Variants in PKLR observed in about 807,000 individuals in gnomAD.
PKLR encodes pyruvate kinase L/R, also known as pyruvate kinase PKLR.
Under a neutral mutation model 53.6 loss-of-function variants are expected in PKLR, and 38 were observed. The ratio of observed to expected loss-of-function variants is 0.71; its 90% CI spans 0.55 to 0.93. The LOEUF (loss-of-function observed/expected upper bound fraction) is 0.93, where lower values mean the gene tolerates loss of function less well. Ranked by LOEUF, PKLR falls within the 40% of genes least tolerant of loss-of-function variation. The probability of loss-of-function intolerance (pLI) is 0.00; values close to 1 mark genes in which losing one functional copy is unlikely to be tolerated. For synonymous variants in PKLR, 328 were observed against 316.2 expected (o/e 1.04, Z -0.39); for missense variants, 702 against 787.3 (o/e 0.89, Z 1.30).
In PKLR at chr1:155,300,163, A is replaced by G. The variant is rs140571200; in HGVS notation, c.218T>C (p.Leu73Pro). 1 of 1,613,926 alleles carries G rather than the reference A, an allele frequency of 6.2e-7. No individual in the cohort carries two copies. The highest frequency in any genetic ancestry group is 8.5e-7 in the Non-Finnish European group (1 of 1,180,016). The change falls in exon 2 of 11, where the codon CTC becomes CCC. Residue 73 changes from leucine to proline, a missense_variant. Transcript: ENST00000342741. ...CTCGGAGTCAATGTCCAGTAGGCAGAGGTGTTCCAGGAAGGTGTCTGCCAT... is the reference window on the plus strand; with the variant it reads ...CTCGGAGTCAATGTCCAGTAGGCAGGGGTGTTCCAGGAAGGTGTCTGCCAT... ...AAMADTFLEHLCLLDIDSEPV... is the reference protein window; with the variant it reads ...AAMADTFLEHPCLLDIDSEPV...
chr1:155,291,236 G>A (rs1674527538), intron 10 of PKLR, among the ~76,000 whole-genome samples: 1 of 151,962 alleles, frequency 6.6e-6, no homozygotes, highest in Non-Finnish European at 1.5e-5. Context: ...GGTGGCTGAC[G>A]CCTGTAATCC....
At position 155,301,320 on chromosome 1, in the gene PKLR, A is replaced by C; in HGVS notation, c.76T>G (p.Ser26Ala). The change falls in exon 1 of 11, where the codon TCC becomes GCC. Residue 26 changes from serine (S) to alanine (A), a missense_variant. This residue lies in a region of PKLR where 519 missense variants were observed against 537.1 expected (regional missense o/e 0.97). Transcript: ENST00000342741. ...CCTCCTGGAGCCCCAATCAGGATGG[A>C]CTTTGCTAAGTCTCTTTGGGACTTA... The part of the protein sequence containing the change: ...VSKSQRDLAK[S>A]ILIGAPGGPA... 1 of 1,613,900 alleles carries C rather than the reference A, an allele frequency of 6.2e-7. No individual in the cohort carries two copies. The highest frequency in any genetic ancestry group is 8.5e-7 in the Non-Finnish European group (1 of 1,179,936).
chr1:155,295,219 C>T lies in PKLR; in HGVS notation c.591G>A (p.Ala197=), dbSNP rs1386352541. 1 of 1,613,954 alleles carries T rather than the reference C, an allele frequency of 6.2e-7. No homozygotes were observed. The highest frequency in any genetic ancestry group is 1.3e-5 in the African/African-American group (1 of 74,936). The part of the protein sequence containing the change: ...VDPAFRTRGN[A]NTVWVDYPNI... The stretch of plus-strand genomic sequence containing the variant: ...TGGGGTAGTCCACCCACACGGTGTT[C>T]GCGTTCCCCCGCGTCCGGAACGCGG... Residue 197 remains alanine, a synonymous_variant, in exon 5 of 11, where the codon GCG becomes GCA. Transcript: ENST00000342741. This position sits in a 1 kb window ranked among gnomAD's most constrained non-coding sequence, Gnocchi z 4.3.
rs1429634816 is a variant in PKLR, at chr1:155,295,048, G to T, written c.694+68C>A. On this transcript the variant is annotated intron_variant, in intron 5 of 10. Transcript: ENST00000342741. This position sits in a 1 kb window ranked among gnomAD's most constrained non-coding sequence, Gnocchi z 4.3. Reference sequence around the variant, plus strand: ...AGGTGTGATCGGTCTGAGGGCTGATGGGGGAGCCAAGGAGAAGGGAATGTG... The same window carrying T: ...AGGTGTGATCGGTCTGAGGGCTGATTGGGGAGCCAAGGAGAAGGGAATGTG... 3 of 1,536,458 alleles carry T rather than the reference G, an allele frequency of 2.0e-6. No individual in the cohort carries two copies. Among genetic ancestry groups the T allele is most frequent in the African/African-American group, 2.7e-5 (2 of 73,104 alleles).
At chr1:155,304,967 G>C (rs2148224296), upstream of PKLR, among the ~76,000 whole-genome samples, 1 of 152,310 alleles carries the variant, frequency 6.6e-6, no homozygotes, top group South Asian at 2.1e-4. Context: ...CTGCTGTGGG[G>C]CCAGGAGGCT....
rs1316380783 is a variant in PKLR at position 155,295,149 on chromosome 1, C to G, written c.661G>C (p.Asp221His). 6.2e-7 allele frequency: 1 copy of G among 1,614,008 alleles called. No individual in the cohort carries two copies. The highest frequency in any genetic ancestry group is 1.3e-5 in the African/African-American group (1 of 74,930). The change falls in exon 5 of 11, where the codon GAC (aspartate) becomes CAC (histidine). Residue 221 changes from aspartate (D) to histidine (H), a missense_variant. This residue lies in a region of PKLR where 519 missense variants were observed against 537.1 expected (regional missense o/e 0.97). Transcript: ENST00000342741. This position sits in a 1 kb window ranked among gnomAD's most constrained non-coding sequence, Gnocchi z 4.3. Reference protein sequence around the residue: ...VPVGGRIYIDDGLISLVVQKI... With the variant: ...VPVGGRIYIDHGLISLVVQKI... ...TGGACCACTAGGGAGATGAGCCCGT[C>G]GTCAATGTAGATGCGGCCCCCCACC...
Position 155,295,658 on chromosome 1 carries a change from C to CCCGCA in PKLR, c.375+2_375+6dup. 6.2e-7 allele frequency: 1 copy of CCCGCA among 1,614,124 alleles called. No individual in the cohort carries two copies. ...CCCCACCCACTGCCCGGCGGCCCGT[C>CCCGCA]CCGCACCTCGTGGGAGCCGTGGGAG... On this transcript the variant is annotated splice_region_variant and intron_variant, in intron 3 of 10. Coordinates refer to ENST00000342741, the MANE Select transcript of PKLR (RefSeq NM_000298.6). The surrounding 1 kb of genome is among the most constrained non-coding windows in gnomAD (Gnocchi z 4.3).
intron 1 of PKLR, chr1:155,301,080 C>G: frequency 6.7e-7 from 1 of 1,498,514 alleles, no homozygotes; most frequent in Non-Finnish European, 9.0e-7. Context: ...TGCCCCGTGG[C>G]TTACATGCTG....
At chr1:155,302,118 C>T (rs1032186342), upstream of PKLR, among the ~76,000 whole-genome samples, 6 of 150,422 alleles carry the variant, frequency 4.0e-5, no homozygotes, top group South Asian at 2.1e-4. Context: ...AGTGCAGTGG[C>T]GCAATCTCAG....
At chr1:155,291,293 T>G (rs1042842008) in intron 10 of PKLR, among the ~76,000 whole-genome samples, 6 of 151,780 alleles carry the variant, frequency 4.0e-5, no homozygotes, top group Non-Finnish European at 7.4e-5. Context: ...GTCAAGACAT[T>G]GAGACCATCC....
chr1:155,308,425 C>T, the PKLR span: 8 of 371,936 alleles, frequency 2.2e-5, no homozygotes, highest in South Asian at 7.7e-4. Context: ...CATGGTATTA[C>T]CACCCTCATT....
upstream of PKLR, among the ~76,000 whole-genome samples, chr1:155,303,140 T>C (rs1481533503): frequency 2.0e-5 from 3 of 152,262 alleles, no homozygotes; most frequent in Non-Finnish European, 4.4e-5. Context: ...GTAGCTGTTC[T>C]GTAGGTAAGT....
chr1:155,292,601 T>C (rs1197372208), intron 9 of PKLR, among the ~76,000 whole-genome samples: 3 of 152,152 alleles, frequency 2.0e-5, no homozygotes, highest in African/African-American at 7.2e-5. Context: ...TGCACCATTT[T>C]ACTCCAGCCT....
intron 9 of PKLR, among the ~76,000 whole-genome samples, chr1:155,292,247 A>AAAAAAAAAG (rs1234562829): frequency 1.3e-5 from 2 of 152,016 alleles, no homozygotes; most frequent in East Asian, 1.9e-4. Flanking sequence ...TTAAGAAAAA[A>AAAAAAAAAG]AAAAGAAAGA....
rs1164956589 is a variant in PKLR at position 155,289,487 on chromosome 1, C to T, written c.*1085G>A. 5 of 152,268 alleles carry T rather than the reference C, an allele frequency of 3.3e-5. No homozygotes were observed. The highest frequency in any genetic ancestry group is 1.3e-4 in the Admixed American group (2 of 15,274). The allele number at this position is 152,268 out of a possible 1,614,324, so 9.4% of individuals were successfully genotyped here. On this transcript the variant is annotated 3_prime_UTR_variant, in exon 11 of 11. Coordinates refer to ENST00000342741, the MANE Select transcript of PKLR (RefSeq NM_000298.6). ...ATCAGCGCAATACTTGAACCTTCTC[C>T]CAGGTAGGGGCAGGAGGAGCCACAT... is the stretch of plus-strand genomic sequence containing the variant.
intron 1 of PKLR, chr1:155,300,956 T>C: frequency 6.3e-7 from 1 of 1,583,370 alleles, no homozygotes. Flanking sequence ...GTCAGAGGCA[T>C]GAGGCCCAGC....
chr1:155,308,055 CTTTTTTTT>C, the PKLR span, among the ~76,000 whole-genome samples: 3 of 123,798 alleles, frequency 2.4e-5, no homozygotes. Flanking sequence ...TGAGACTCAT[CTTTTTTTT>C]TTTTTTTTTT....
rs1316971949 is a variant in PKLR at position 155,301,409 on chromosome 1, G to A, written c.-14C>T. On this transcript the variant is annotated 5_prime_UTR_variant, in exon 1 of 11. Transcript: ENST00000342741. Reference sequence around the variant, plus strand: ...CTGGATCGACATGCTTTCAGTGTGGGCCTGGGGCTGCGGGACCATGGAATG... The same window carrying A: ...CTGGATCGACATGCTTTCAGTGTGGACCTGGGGCTGCGGGACCATGGAATG... 1.2e-6 allele frequency: 2 copies of A among 1,613,972 alleles called. No individual in the cohort carries two copies.
rs886045353 is a variant in PKLR at position 155,300,193 on chromosome 1, G to C, written c.188C>G (p.Ala63Gly). 2 of 1,613,842 alleles carry C rather than the reference G, an allele frequency of 1.2e-6. No homozygotes were observed. Among genetic ancestry groups the C allele is most frequent in the Non-Finnish European group, 1.7e-6 (2 of 1,179,880 alleles). Residue 63 changes from alanine to glycine, a missense_variant, in exon 2 of 11, where the codon GCT becomes GGT. Coordinates refer to ENST00000342741, the MANE Select transcript of PKLR (RefSeq NM_000298.6). ...TAFFQQQQLP[A>G]AMADTFLEHL... is the part of the protein sequence containing the mutation. ...TTCCAGGAAGGTGTCTGCCATAGCA[G>C]CTGGCAGCTGCTGCTGCTGGAAGAA... is the stretch of plus-strand genomic sequence containing the variant.
Sources: gnomAD v4.1 joint callset for allele counts (sites outside exome capture counted in the v4.1 genomes callset) on GRCh38, gnomAD v4.1.1 for gene constraint, gnomAD v4.1.1 regional missense constraint, Gnocchi (gnomAD v3.1) non-coding constraint, MANE v1.5 for transcripts, NCBI Gene and HGNC (gene_info 2026-07-23, HGNC 2026-07-21) for gene names.